Variants in JCAD observed in about 807,000 individuals in gnomAD.
JCAD encodes junctional cadherin 5-associated protein.
JCAD carries 40 observed loss-of-function variants against 98.0 expected under a neutral mutation model. The ratio of observed to expected loss-of-function variants is 0.41; its 90% CI spans 0.32 to 0.53. The LOEUF is 0.53. Among genes scored for constraint, JCAD ranks in the 20% least tolerant of loss-of-function variants. The pLI, the probability that JCAD is intolerant of heterozygous loss-of-function variation, is 0.31. For missense variants in JCAD, 1,705 were observed against 1,738.1 expected (o/e 0.98, Z 0.34); for synonymous variants, 691 against 682.3 (o/e 1.01, Z -0.20).
At chr10:30,065,302 C>A (rs1837764488) in intron 2 of JCAD, among the ~76,000 whole-genome samples, 1 of 151,988 alleles carries the variant, frequency 6.6e-6, no homozygotes, top group Non-Finnish European at 1.5e-5. Context: ...TGATGGATGT[C>A]CCTATTACCC....
At chr10:30,068,983 C>T (rs970735935) in intron 2 of JCAD, among the ~76,000 whole-genome samples, 2 of 152,234 alleles carry the variant, frequency 1.3e-5, no homozygotes, top group African/African-American at 4.8e-5. Context: ...TTTGCATGGC[C>T]TGAGGTGCCT....
At position 30,104,224 on chromosome 10, in the gene JCAD, G is replaced by A. The variant is rs544888751; in HGVS notation, n.128+11143C>T. Among the ~76,000 whole-genome samples the A allele has an allele frequency of 1.9e-4, 29 of 152,304 alleles. No individual in the cohort carries two copies. In the South Asian group the frequency reaches 3.5e-3, roughly 18 times the overall value. Reference sequence around the variant, plus strand: ...GGAGAGTGAAGCAATTTCACAAGGGGCTTTACATGCTGTGTTAAGGGAGTT... The same window carrying A: ...GGAGAGTGAAGCAATTTCACAAGGGACTTTACATGCTGTGTTAAGGGAGTT... On this transcript the variant is annotated intron_variant and non_coding_transcript_variant, in intron 1 of 2. Transcript: ENST00000465712.
intron 1 of JCAD, among the ~76,000 whole-genome samples, chr10:30,082,523 C>T (rs138684722): frequency 0.016 from 2,400 of 152,132 alleles, 55 homozygotes; most frequent in African/African-American, 0.055. Flanking sequence ...TCAAGACCAT[C>T]CTGGCCAACA....
At chr10:30,075,356 T>C (rs1004918969) in intron 1 of JCAD, among the ~76,000 whole-genome samples, 1 of 152,230 alleles carries the variant, frequency 6.6e-6, no homozygotes, top group African/African-American at 2.4e-5. Flanking sequence ...ATGCGTTTAG[T>C]TGGGTTTTTT....
intron 1 of JCAD, among the ~76,000 whole-genome samples, chr10:30,096,576 G>A (rs1838372177): frequency 6.6e-6 from 1 of 150,864 alleles, no homozygotes; most frequent in South Asian, 2.1e-4. Flanking sequence ...GCTATTCTGA[G>A]TTCAGAACAT....
Position 30,029,071 on chromosome 10 carries a change from T to C in JCAD, c.1077A>G (p.Glu359=). Residue 359 remains glutamate (E), a synonymous_variant, in exon 3 of 4, where the codon GAA becomes GAG. Transcript: ENST00000375377. The part of the protein sequence containing the change: ...PPQNIPNPYL[E]DTVPINVCGG... The stretch of plus-strand genomic sequence containing the variant: ...CACACACATTTATGGGCACCGTGTC[T>C]TCCAAGTAGGGGTTTGGGATGTTCT... 6.2e-7 allele frequency: 1 copy of C among 1,614,094 alleles called. No individual in the cohort carries two copies. Among genetic ancestry groups the C allele is most frequent in the South Asian group, 1.1e-5 (1 of 91,070 alleles).
chr10:30,073,685 C>CCTTCCTTCCTTG (rs1363564873), intron 1 of JCAD, among the ~76,000 whole-genome samples: 126 of 34,682 alleles, frequency 3.6e-3, no homozygotes, highest in African/African-American at 7.5e-3. Context: ...TTCCTTGCTT[C>CCTTCCTTCCTTG]CTTCCTTCCT....
intron 1 of JCAD, among the ~76,000 whole-genome samples, chr10:30,084,756 G>T (rs532728565): frequency 6.6e-6 from 1 of 152,070 alleles, no homozygotes; most frequent in Non-Finnish European, 1.5e-5. Context: ...ATAATGGCAT[G>T]AGCCAATTTC....
chr10:30,050,433 G>C (rs1837445858), intron 1 of JCAD, among the ~76,000 whole-genome samples: 1 of 151,820 alleles, frequency 6.6e-6, no homozygotes, highest in Admixed American at 6.6e-5. Context: ...ATCACACACA[G>C]GGTCAGCATC....
intron 2 of JCAD, among the ~76,000 whole-genome samples, chr10:30,044,571 G>A (rs545972606): frequency 3.3e-5 from 5 of 152,274 alleles, no homozygotes; most frequent in South Asian, 2.1e-4. Context: ...GTGGGATGGA[G>A]GAGGCAGCAA....
At chr10:30,095,240 G>A (rs551823871) in intron 1 of JCAD, among the ~76,000 whole-genome samples, 2 of 152,172 alleles carry the variant, frequency 1.3e-5, no homozygotes, top group African/African-American at 2.4e-5. Context: ...CATGGCTCTC[G>A]TCTCTTAACG....
At chr10:30,043,311 G>A (rs1837277804) in intron 2 of JCAD, among the ~76,000 whole-genome samples, 1 of 148,880 alleles carries the variant, frequency 6.7e-6, no homozygotes, top group South Asian at 2.1e-4. Context: ...GAAGTCCCTC[G>A]AGTAAGAAAG....
upstream of JCAD, among the ~76,000 whole-genome samples, chr10:30,061,844 C>G (rs1310587162): frequency 6.6e-6 from 1 of 151,612 alleles, no homozygotes; most frequent in Non-Finnish European, 1.5e-5. Context: ...ATTCCTGTTT[C>G]TCCTCAATTT....
At chr10:30,041,489 T>C (rs1458767997) in intron 2 of JCAD, among the ~76,000 whole-genome samples, 1 of 152,206 alleles carries the variant, frequency 6.6e-6, no homozygotes, top group Non-Finnish European at 1.5e-5. Flanking sequence ...AGAGAAGCTT[T>C]AAAAGACCCT....
chr10:30,042,614 T>A (rs1837264200), intron 2 of JCAD, among the ~76,000 whole-genome samples: 1 of 151,362 alleles, frequency 6.6e-6, no homozygotes. Context: ...TGGGTGGCAA[T>A]GGGAGGCAGA....
intron 2 of JCAD, chr10:30,044,860 G>A: frequency 1.7e-5 from 15 of 908,176 alleles, no homozygotes; most frequent in Non-Finnish European, 2.0e-5. Flanking sequence ...TCAACCCAGG[G>A]AACCTTGCAG....
intron 1 of JCAD, among the ~76,000 whole-genome samples, chr10:30,104,386 T>TATGC (rs1838529193): frequency 6.6e-6 from 1 of 152,204 alleles, no homozygotes; most frequent in Admixed American, 6.5e-5. Flanking sequence ...CATGGAACAC[T>TATGC]ATGCAGCCAT....
chr10:30,087,030 C>G (rs111509427), intron 1 of JCAD, among the ~76,000 whole-genome samples: 1 of 152,108 alleles, frequency 6.6e-6, no homozygotes, highest in African/African-American at 2.4e-5. Context: ...CAATTAAGCA[C>G]GTAGTGTGGT....
intron 1 of JCAD, among the ~76,000 whole-genome samples, chr10:30,078,280 G>A (rs1445297673): frequency 6.6e-6 from 1 of 152,208 alleles, no homozygotes; most frequent in Admixed American, 6.5e-5. Context: ...CTGCTCAGCA[G>A]GGATTTCACC....
Sources: allele counts gnomAD v4.1 joint callset (sites outside exome capture counted in the v4.1 genomes callset), GRCh38; gene constraint gnomAD v4.1.1; transcripts MANE v1.5; gene names NCBI Gene and HGNC (gene_info 2026-07-23, HGNC 2026-07-21).